PRDM5: variants seen among roughly 807,000 people sequenced by gnomAD.
The protein encoded by PRDM5 is PR domain zinc finger protein 5.
PRDM5 carries 56 observed loss-of-function variants against 81.2 expected under a neutral mutation model. That is an observed-to-expected ratio of 0.69 (90% CI 0.56 to 0.86). The LOEUF (loss-of-function observed/expected upper bound fraction) is 0.86, where lower values mean the gene tolerates loss of function less well. Ranked by LOEUF, PRDM5 falls within the 40% of genes least tolerant of loss-of-function variation. PRDM5 has a pLI of 0.00. For synonymous variants in PRDM5, 267 were observed against 256.4 expected, an observed-to-expected ratio of 1.04 and a Z score of -0.39; for missense variants, 697 against 770.1, an observed-to-expected ratio of 0.91 and a Z score of 1.12.
rs181345688 is a variant in PRDM5, at chr4:120,794,853, G to A, written c.1188+3414C>T. Among the ~76,000 whole-genome samples the A allele has an allele frequency of 7.9e-4, 120 of 152,018 alleles. 1 individual carries two copies. Among genetic ancestry groups the A allele is most frequent in the Non-Finnish European group, 1.9e-4 (13 of 67,952 alleles). The stretch of plus-strand genomic sequence containing the variant: ...GTTGGCCAGGCTGGTCTTGAACTCC[G>A]GACCTCAGCGGATCCACCCACCTCA... On this transcript the variant is annotated intron_variant, in intron 10 of 15. Transcript: ENST00000264808.
chr4:120,698,706 C>T (rs143357206), intron 15 of PRDM5, among the ~76,000 whole-genome samples: 18 of 152,172 alleles, frequency 1.2e-4, no homozygotes, highest in African/African-American at 2.9e-4. Context: ...AAAAATGGTC[C>T]GACCCTCCAC....
chr4:120,854,460 C>G (rs188822903), intron 2 of PRDM5, among the ~76,000 whole-genome samples: 1 of 152,178 alleles, frequency 6.6e-6, no homozygotes, highest in Non-Finnish European at 1.5e-5. Flanking sequence ...TACAAATTCA[C>G]CTTGGCAGAC....
intron 12 of PRDM5, 140 bp downstream of exon 12, chr4:120,781,003 A>G (rs796478085): frequency 2.6e-6 from 2 of 776,146 alleles, no homozygotes; most frequent in Non-Finnish European, 4.0e-6. Flanking sequence ...TTGTCTGAAG[A>G]GCTGATATAA....
At chr4:120,715,531 CCA>C (rs1357077954) in intron 14 of PRDM5, among the ~76,000 whole-genome samples, 4 of 152,078 alleles carry the variant, frequency 2.6e-5, no homozygotes, top group Admixed American at 6.6e-5. Context: ...TTCAAATATT[CCA>C]CAGTTTTTCA....
chr4:120,777,688 T>C (rs1748391823), intron 12 of PRDM5, among the ~76,000 whole-genome samples: 1 of 152,124 alleles, frequency 6.6e-6, no homozygotes, highest in African/African-American at 2.4e-5. Context: ...GAGGACAGAA[T>C]TAATCTTAAT....
chr4:120,792,357 A>G (rs1750697278), intron 10 of PRDM5, among the ~76,000 whole-genome samples: 4 of 152,102 alleles, frequency 2.6e-5, no homozygotes, highest in Admixed American at 2.6e-4. Context: ...AAGGTTCACA[A>G]CTCGAGCTCC....
intron 14 of PRDM5, among the ~76,000 whole-genome samples, chr4:120,720,355 G>A (rs1738418966): frequency 6.6e-6 from 1 of 152,160 alleles, no homozygotes; most frequent in Non-Finnish European, 1.5e-5. Context: ...CACTTTTCTA[G>A]GAGTCAGGTA....
At chr4:120,878,314 G>C (rs893148683) in intron 2 of PRDM5, among the ~76,000 whole-genome samples, 1 of 152,140 alleles carries the variant, frequency 6.6e-6, no homozygotes, top group African/African-American at 2.4e-5. Flanking sequence ...AATGGGAAAA[G>C]GATAGTCTTT....
At chr4:120,738,580 A>G (rs1578533680) in intron 14 of PRDM5, among the ~76,000 whole-genome samples, 1 of 152,212 alleles carries the variant, frequency 6.6e-6, no homozygotes, top group African/African-American at 2.4e-5. Flanking sequence ...AAGCCTTTCT[A>G]AACAACTGAT....
intron 3 of PRDM5, among the ~76,000 whole-genome samples, chr4:120,845,876 T>C (rs916347888): frequency 5.5e-4 from 83 of 152,178 alleles, no homozygotes; most frequent in African/African-American, 1.9e-3. Flanking sequence ...AATATCAACA[T>C]GAACAGAAGT....
Position 120,719,208 on chromosome 4 carries a change from C to A in PRDM5, c.1624-8795G>T, listed in dbSNP as rs546947047. Among the ~76,000 whole-genome samples the A allele has an allele frequency of 3.3e-5, 5 of 152,284 alleles. No individual in the cohort carries two copies. In the East Asian group the frequency reaches 9.7e-4, roughly 29 times the overall value. On this transcript the variant is annotated intron_variant, in intron 14 of 15. Transcript: ENST00000264808. ...CCATCTTCCACCCAGTTGTGACAAC[C>A]CAAAATATCTCCCGACATTGCCAAA...
chr4:120,883,856 A>G (rs1763116682), intron 2 of PRDM5, among the ~76,000 whole-genome samples: 1 of 152,242 alleles, frequency 6.6e-6, no homozygotes, highest in African/African-American at 2.4e-5. Context: ...AAAATATTCA[A>G]AAATAATTGC....
intron 14 of PRDM5, among the ~76,000 whole-genome samples, chr4:120,733,497 T>C (rs1187523530): frequency 6.6e-5 from 10 of 152,206 alleles, no homozygotes; most frequent in Non-Finnish European, 1.3e-4. Context: ...TCATACTTTC[T>C]GATCCAATTC....
intron 3 of PRDM5, among the ~76,000 whole-genome samples, chr4:120,836,056 G>A (rs1322547921): frequency 6.6e-6 from 1 of 152,052 alleles, no homozygotes; most frequent in Admixed American, 6.6e-5. Context: ...AGAGAACGTT[G>A]GAGGTAAGAA....
chr4:120,717,224 T>A (rs1463024259), intron 14 of PRDM5, among the ~76,000 whole-genome samples: 1 of 152,206 alleles, frequency 6.6e-6, no homozygotes. Flanking sequence ...AACTGACAAA[T>A]AGCTTGTCCT....
chr4:120,807,871 T>C (rs1753216802), intron 8 of PRDM5, among the ~76,000 whole-genome samples: 1 of 151,766 alleles, frequency 6.6e-6, no homozygotes, highest in South Asian at 2.1e-4. Flanking sequence ...GTGTTTGGAG[T>C]TTCTTCCTTC....
intron 7 of PRDM5, chr4:120,812,446 C>G (rs1753975320): frequency 6.2e-6 from 1 of 160,128 alleles, no homozygotes; most frequent in Non-Finnish European, 1.3e-5. Flanking sequence ...GTTATTCCGT[C>G]TTTTGGATAG....
intron 15 of PRDM5, among the ~76,000 whole-genome samples, chr4:120,699,858 C>G (rs1735100857): frequency 6.6e-6 from 1 of 151,972 alleles, no homozygotes; most frequent in Non-Finnish European, 1.5e-5. Context: ...AATCTACAGA[C>G]TCAATGCCAT....
At chr4:120,796,438 A>T (rs1751362312) in intron 10 of PRDM5, among the ~76,000 whole-genome samples, 1 of 152,210 alleles carries the variant, frequency 6.6e-6, no homozygotes. Context: ...AGATGGTGCA[A>T]AGATCCTGTG....
Sources: allele counts gnomAD v4.1 joint callset (sites outside exome capture counted in the v4.1 genomes callset), GRCh38; gene constraint gnomAD v4.1.1; transcripts MANE v1.5; gene names NCBI Gene and HGNC (gene_info 2026-07-23, HGNC 2026-07-21).